The following COP1 variants were observed in gnomAD, a reference collection of about 807,000 sequenced individuals.
COP1 encodes COP1 E3 ubiquitin ligase.
A neutral mutation model predicts 101.3 loss-of-function variants in COP1; 24 were observed. That is an observed-to-expected ratio of 0.24 (90% confidence interval 0.17 to 0.33). The LOEUF (loss-of-function observed/expected upper bound fraction) is 0.33. Among genes scored for constraint, COP1 ranks in the 10% least tolerant of loss-of-function variants. The pLI, the probability that COP1 is intolerant of heterozygous loss-of-function variation, is 1.00. For missense variants in COP1, 663 were observed against 906.2 expected (o/e 0.73, Z 3.45); for synonymous variants, 347 against 341.9 (o/e 1.01, Z -0.17).
chr1:176,083,603 C>T (rs1404543560), intron 10 of COP1, among the ~76,000 whole-genome samples: 1 of 152,178 alleles, frequency 6.6e-6, no homozygotes, highest in Non-Finnish European at 1.5e-5. Context: ...TCTTTTCTTT[C>T]TCCTAGTGCT....
At chr1:176,014,301 G>A (rs1388322194) in intron 15 of COP1, among the ~76,000 whole-genome samples, 2 of 152,168 alleles carry the variant, frequency 1.3e-5, no homozygotes, top group East Asian at 3.9e-4. Context: ...GTCAAGCACT[G>A]TCTACTCTCA....
At chr1:175,949,893 T>A (rs1649658105) in intron 18 of COP1, among the ~76,000 whole-genome samples, 1 of 152,206 alleles carries the variant, frequency 6.6e-6, no homozygotes, top group Non-Finnish European at 1.5e-5. Context: ...ACAGGGATTA[T>A]AAATTACATA....
chr1:176,073,249 C>T (rs2861630), intron 11 of COP1, among the ~76,000 whole-genome samples: 16,420 of 152,126 alleles, frequency 0.11, 971 homozygotes, highest in Middle Eastern at 0.16. Flanking sequence ...CTCCACATTA[C>T]CAGTACAGAG....
chr1:176,116,170 G>A (rs1686155120), intron 9 of COP1, among the ~76,000 whole-genome samples: 1 of 151,994 alleles, frequency 6.6e-6, no homozygotes, highest in African/African-American at 2.4e-5. Context: ...TTGAGTCCAG[G>A]AGTTTGAGAC....
intron 11 of COP1, among the ~76,000 whole-genome samples, chr1:176,076,305 CA>C (rs1242711391): frequency 6.6e-6 from 1 of 151,932 alleles, no homozygotes; most frequent in African/African-American, 2.4e-5. Flanking sequence ...ACATAGAAAT[CA>C]ATATCAAGAA....
At chr1:176,062,435 G>A (rs1376869988) in intron 11 of COP1, among the ~76,000 whole-genome samples, 3 of 152,038 alleles carry the variant, frequency 2.0e-5, no homozygotes, top group Non-Finnish European at 4.4e-5. Flanking sequence ...ATGAGAAAAT[G>A]CCATTACATA....
intron 3 of COP1, among the ~76,000 whole-genome samples, chr1:176,168,316 C>T (rs561171571): frequency 3.3e-5 from 5 of 151,068 alleles, no homozygotes; most frequent in African/African-American, 7.3e-5. Context: ...GTCAGACTCT[C>T]AAAGTGCTGG....
At chr1:176,082,137 T>G (rs1052537046) in intron 10 of COP1, among the ~76,000 whole-genome samples, 2 of 152,350 alleles carry the variant, frequency 1.3e-5, no homozygotes, top group South Asian at 4.1e-4. Flanking sequence ...AAAAAATCAT[T>G]GCTTTTCAGC....
intron 15 of COP1, among the ~76,000 whole-genome samples, chr1:176,006,605 C>T (rs549171706): frequency 4.0e-4 from 61 of 152,136 alleles, no homozygotes; most frequent in South Asian, 3.3e-3. Context: ...CCTTTGCTTA[C>T]GAAGCTTAGT....
intron 9 of COP1, among the ~76,000 whole-genome samples, chr1:176,115,992 T>TTTCA (rs1686124367): frequency 6.6e-6 from 1 of 152,208 alleles, no homozygotes; most frequent in African/African-American, 2.4e-5. Flanking sequence ...GATTTATAAT[T>TTTCA]TTCATTATCT....
intron 15 of COP1, among the ~76,000 whole-genome samples, chr1:176,014,740 GTGTA>G (rs1665316178): frequency 6.6e-6 from 1 of 152,018 alleles, no homozygotes; most frequent in South Asian, 2.1e-4. Context: ...ACCAATGTGT[GTGTA>G]TGTATACATA....
rs147906246 is a variant in COP1, at chr1:176,042,163, T to C, written c.1612+1023A>G. Among the ~76,000 whole-genome samples the C allele has an allele frequency of 4.4e-3, 634 of 144,852 alleles. 3 individuals carry two copies. Among genetic ancestry groups the C allele is most frequent in the South Asian group, 0.021 (95 of 4,534 alleles). On this transcript the variant is annotated intron_variant, in intron 14 of 19. Coordinates refer to ENST00000367669, the MANE Select transcript of COP1 (RefSeq NM_022457.7). ...GTGCACACCTATAATCCCAGCTAAA[T>C]GGGAGGTGGAGGCAGGAGAATCACT...
chr1:176,004,847 C>G (rs1016904743), intron 15 of COP1, among the ~76,000 whole-genome samples: 12 of 151,684 alleles, frequency 7.9e-5, no homozygotes, highest in African/African-American at 2.7e-4. Context: ...GCTTTGGTGT[C>G]AGCATGATGC....
At chr1:175,969,196 A>C (rs138817834) in intron 18 of COP1, among the ~76,000 whole-genome samples, 8 of 152,332 alleles carry the variant, frequency 5.3e-5, no homozygotes, top group African/African-American at 1.9e-4. Context: ...TTAGACATTC[A>C]ATTTCTCCAA....
chr1:176,053,335 C>T (rs1243088075), intron 11 of COP1, among the ~76,000 whole-genome samples: 1 of 152,134 alleles, frequency 6.6e-6, no homozygotes, highest in African/African-American at 2.4e-5. Flanking sequence ...TCTCTTCTCC[C>T]TGAAACCTCC....
At chr1:176,161,947 T>C (rs899161261) in intron 5 of COP1, among the ~76,000 whole-genome samples, 8 of 152,154 alleles carry the variant, frequency 5.3e-5, no homozygotes, top group Non-Finnish European at 1.0e-4. Context: ...TAAACTGCAG[T>C]TGGAAACAAA....
At chr1:175,972,734 G>C (rs928845530) in intron 18 of COP1, among the ~76,000 whole-genome samples, 1 of 152,040 alleles carries the variant, frequency 6.6e-6, no homozygotes, top group Non-Finnish European at 1.5e-5. Context: ...CCAAAATGCT[G>C]AAACTACAGG....
chr1:176,103,199 T>C (rs958505587), intron 9 of COP1, among the ~76,000 whole-genome samples: 19 of 152,212 alleles, frequency 1.2e-4, no homozygotes, highest in Admixed American at 7.2e-4. Flanking sequence ...TCAGCATCTT[T>C]TGTTATTCAC....
chr1:176,082,898 T>G (rs1468295545), intron 10 of COP1, among the ~76,000 whole-genome samples: 1 of 152,092 alleles, frequency 6.6e-6, no homozygotes, highest in East Asian at 1.9e-4. Context: ...ATTTTACAAA[T>G]TTTAAAGATT....
Sources: allele counts gnomAD v4.1 joint callset (sites outside exome capture counted in the v4.1 genomes callset), GRCh38; gene constraint gnomAD v4.1.1; transcripts MANE v1.5; gene names NCBI Gene and HGNC (gene_info 2026-07-23, HGNC 2026-07-21).